The following ASF1B variants were observed in gnomAD, a reference collection of about 807,000 sequenced individuals.
ASF1B encodes the protein histone chaperone ASF1B.
A neutral mutation model predicts 16.6 loss-of-function variants in ASF1B; 10 were observed. The observed-to-expected ratio is 0.60, with a 90% CI of 0.37 to 1.02. The LOEUF (loss-of-function observed/expected upper bound fraction) is 1.02. Ranked by LOEUF, ASF1B falls within the 50% of genes least tolerant of loss-of-function variation. The pLI is 0.01. For synonymous variants in ASF1B, 101 were observed against 106.2 expected (o/e 0.95, Z 0.30); for missense variants, 240 against 266.0 (o/e 0.90, Z 0.68).
At chr19:14,123,637 T>C (rs566376145) in intron 2 of ASF1B, among the ~76,000 whole-genome samples, 2 of 151,980 alleles carry the variant, frequency 1.3e-5, no homozygotes, top group East Asian at 3.9e-4. Context: ...ACCTTGGCCT[T>C]CCAAAGTGCT....
At chr19:14,126,482 CTTTT>C (rs1448213695) in intron 1 of ASF1B, among the ~76,000 whole-genome samples, 3 of 149,862 alleles carry the variant, frequency 2.0e-5, no homozygotes, top group Middle Eastern at 6.8e-3. Context: ...TTTTTTTTTT[CTTTT>C]TTGAGATGGA....
chr19:14,121,384 T>A, intron 3 of ASF1B, 148 bp downstream of exon 3: 1 of 882,252 alleles, frequency 1.1e-6, no homozygotes, highest in South Asian at 2.0e-5. Context: ...ACAAAGGTCT[T>A]TTTCTCCTCT....
intron 3 of ASF1B, among the ~76,000 whole-genome samples, chr19:14,120,995 A>T (rs1197854767): frequency 6.6e-6 from 1 of 151,706 alleles, no homozygotes; most frequent in African/African-American, 2.4e-5. Context: ...TCATTTTCGT[A>T]TTTTTAGTAG....
At chr19:14,131,728 C>A (rs969991442) in intron 1 of ASF1B, among the ~76,000 whole-genome samples, 4 of 150,584 alleles carry the variant, frequency 2.7e-5, no homozygotes, top group African/African-American at 9.8e-5. Context: ...AGGTAATCTG[C>A]CCGCCTTGGT....
chr19:14,131,485 C>CTT (rs759033830), intron 1 of ASF1B, among the ~76,000 whole-genome samples: 4 of 126,458 alleles, frequency 3.2e-5, no homozygotes, highest in Non-Finnish European at 5.1e-5. Flanking sequence ...CTGGCTTTTT[C>CTT]TTTTTTTTTT....
intron 1 of ASF1B, among the ~76,000 whole-genome samples, chr19:14,135,980 G>C (rs1395384600): frequency 1.3e-5 from 2 of 151,410 alleles, no homozygotes; most frequent in African/African-American, 4.9e-5. Flanking sequence ...AAGAGCTCCA[G>C]AGAAAAAAGA....
rs1454569976 is a variant in ASF1B, at chr19:14,120,801, C to G, written c.403-136G>C. ...ATGGAACTCCAGAAAACACCTGTGG[C>G]CAGGACCTTATTTATTTATTTATTT... On this transcript the variant is annotated intron_variant, in intron 3 of 3. Coordinates refer to ENST00000263382, the MANE Select transcript of ASF1B (RefSeq NM_018154.3). 5 of 677,714 alleles carry G rather than the reference C, an allele frequency of 7.4e-6. No homozygotes were observed. In the African/African-American group the frequency reaches 9.4e-5, roughly 13 times the overall value. The allele number at this position is 677,714 out of a possible 1,614,324, so 42.0% of individuals were successfully genotyped here.
intron 2 of ASF1B, among the ~76,000 whole-genome samples, chr19:14,125,428 A>G (rs1279371562): frequency 2.0e-5 from 3 of 152,246 alleles, no homozygotes; most frequent in Non-Finnish European, 2.9e-5. Context: ...TCTTGTAAAT[A>G]ATGGGAATTG....
At chr19:14,132,196 T>C (rs1001803686) in intron 1 of ASF1B, among the ~76,000 whole-genome samples, 1 of 152,012 alleles carries the variant, frequency 6.6e-6, no homozygotes, top group Non-Finnish European at 1.5e-5. Flanking sequence ...TCCCGTTAAT[T>C]TTTTGATGTT....
In ASF1B at chr19:14,120,264, C is replaced by T; in HGVS notation, c.*195G>A. 1 of 570,042 alleles carries T rather than the reference C, an allele frequency of 1.8e-6. No homozygotes were observed. Among genetic ancestry groups the T allele is most frequent in the Non-Finnish European group, 3.1e-6 (1 of 326,404 alleles). The allele number at this position is 570,042 out of a possible 1,614,324, so 35.3% of individuals were successfully genotyped here. On this transcript the variant is annotated 3_prime_UTR_variant, in exon 4 of 4. Transcript: ENST00000263382. ...ACTGAAGTACCTGCTTCTTATAGGCCTGTAGAGGAAAAGCGAGATCATCCT... is the reference window on the plus strand; with the variant it reads ...ACTGAAGTACCTGCTTCTTATAGGCTTGTAGAGGAAAAGCGAGATCATCCT...
intron 1 of ASF1B, among the ~76,000 whole-genome samples, chr19:14,135,519 A>T (rs1052106963): frequency 6.6e-6 from 1 of 152,124 alleles, no homozygotes; most frequent in Non-Finnish European, 1.5e-5. Context: ...GGGTATGTGC[A>T]TTGGGGCAGA....
chr19:14,122,091 C>T (rs959329162), intron 2 of ASF1B, among the ~76,000 whole-genome samples: 12 of 151,878 alleles, frequency 7.9e-5, no homozygotes, highest in Non-Finnish European at 1.2e-4. Context: ...CCACCATGCC[C>T]GGCTAATTTT....
rs543096059 is a variant in ASF1B at position 14,132,702 on chromosome 19, C to G, written c.109+3646G>C. 2.7e-4 allele frequency among the ~76,000 whole-genome samples: 41 copies of G among 152,200 alleles called. No homozygotes were observed. The South Asian group carries it at 8.1e-3, about 30-fold the overall frequency. On this transcript the variant is annotated intron_variant, in intron 1 of 3. Coordinates refer to ENST00000263382, the MANE Select transcript of ASF1B (RefSeq NM_018154.3). The stretch of plus-strand genomic sequence containing the variant: ...GCATGGTGGCTCAAGCTTGTAATCC[C>G]AACTACTTGGGATACTGAGGCCGGA...
chr19:14,132,239 G>C (rs1013715518), intron 1 of ASF1B, among the ~76,000 whole-genome samples: 2 of 152,052 alleles, frequency 1.3e-5, no homozygotes, highest in Non-Finnish European at 2.9e-5. Flanking sequence ...ATGTTACCCA[G>C]GCTGGCCCAA....
chr19:14,123,786 ATTTTTT>A (rs1247010220), intron 2 of ASF1B, among the ~76,000 whole-genome samples: 2 of 107,658 alleles, frequency 1.9e-5, no homozygotes, highest in Non-Finnish European at 3.9e-5. Flanking sequence ...AAGCGAGCCT[ATTTTTT>A]TTTTTTTTTT....
chr19:14,130,713 TC>T (rs1161556921), intron 1 of ASF1B, among the ~76,000 whole-genome samples: 1 of 151,588 alleles, frequency 6.6e-6, no homozygotes, highest in African/African-American at 2.4e-5. Context: ...CTCAACTGTG[TC>T]CCATGTTATC....
At chr19:14,124,291 C>T (rs144720651) in intron 2 of ASF1B, among the ~76,000 whole-genome samples, 6 of 152,154 alleles carry the variant, frequency 3.9e-5, no homozygotes, top group East Asian at 3.9e-4. Flanking sequence ...GTAGCTGGGA[C>T]GACAGGTGCA....
At chr19:14,124,231 G>A (rs1967285121) in intron 2 of ASF1B, among the ~76,000 whole-genome samples, 1 of 152,100 alleles carries the variant, frequency 6.6e-6, no homozygotes, top group South Asian at 2.1e-4. Context: ...ATAGCTCGCT[G>A]TAGCCTCAAA....
In ASF1B at chr19:14,136,371, T is replaced by C. The variant is rs145994303; in HGVS notation, c.86A>G (p.Glu29Gly). ...HSPFRFEISFECSEALADDLE... is the reference protein window; with the variant it reads ...HSPFRFEISFGCSEALADDLE... ...ACCGTCCGCCAGGGCTTCACTGCAC[T>C]CGAAGCTGATCTCGAACCGGAAGGG... The change falls in exon 1 of 4, where the codon GAG (glutamate) becomes GGG (glycine). Residue 29 changes from glutamate (E) to glycine (G), a missense_variant. Transcript: ENST00000263382. 9.9e-6 allele frequency: 16 copies of C among 1,613,174 alleles called. No homozygotes were observed. The African/African-American group carries it at 2.1e-4, about 22-fold the overall frequency.
Sources: gnomAD v4.1 joint callset for allele counts (sites outside exome capture counted in the v4.1 genomes callset) on GRCh38, gnomAD v4.1.1 for gene constraint, MANE v1.5 for transcripts, NCBI Gene and HGNC (gene_info 2026-07-23, HGNC 2026-07-21) for gene names.